The following AGBL4 variants were observed in gnomAD, a reference collection of about 807,000 sequenced individuals.
AGBL4 encodes the protein AGBL carboxypeptidase 4.
AGBL4 carries 58 observed loss-of-function variants against 66.4 expected under a neutral mutation model. The ratio of observed to expected loss-of-function variants is 0.87; its 90% CI spans 0.71 to 1.09. AGBL4 has a LOEUF of 1.09. Among genes scored for constraint, AGBL4 ranks in the 50% least tolerant of loss-of-function variants. The pLI is 0.00. For missense variants in AGBL4, 579 were observed against 631.0 expected (o/e 0.92, Z 0.88); for synonymous variants, 234 against 222.9 (o/e 1.05, Z -0.44).
chr1:49,980,142 G>C lies in AGBL4; in HGVS notation c.34+43621C>G, dbSNP rs370665295. Among the ~76,000 whole-genome samples, 210 of 152,060 alleles carry C rather than the reference G, an allele frequency of 1.4e-3. 1 individual carries two copies. The highest frequency in any genetic ancestry group is 4.7e-3 in the African/African-American group (197 of 41,474). On this transcript the variant is annotated intron_variant, in intron 1 of 13. Coordinates refer to ENST00000371839, the MANE Select transcript of AGBL4 (RefSeq NM_032785.4). The stretch of plus-strand genomic sequence containing the variant: ...AACAGTAGGCTATGAGTAAAGTTTT[G>C]GGGGGGTCTAAAGTTACATGTGGAT...
At chr1:49,337,733 C>T (rs750775932) in intron 3 of AGBL4, among the ~76,000 whole-genome samples, 5 of 152,164 alleles carry the variant, frequency 3.3e-5, no homozygotes, top group Admixed American at 1.3e-4. Flanking sequence ...CTGGATTATT[C>T]ATTAGACTTT....
At chr1:48,889,636 T>C (rs1650724576) in intron 5 of AGBL4, among the ~76,000 whole-genome samples, 1 of 152,176 alleles carries the variant, frequency 6.6e-6, no homozygotes, top group South Asian at 2.1e-4. Flanking sequence ...ATGAAATGTG[T>C]CAGATTTAGG....
rs1557557803 is a variant in AGBL4 at position 49,896,388 on chromosome 1, T to C, written c.35-44870A>G. On this transcript the variant is annotated intron_variant, in intron 1 of 13. Transcript: ENST00000371839. ...TGCACTGTAAACAACATGAAACTAATAGATTTTAACAAAGCATTTCACACT... is the reference window on the plus strand; with the variant it reads ...TGCACTGTAAACAACATGAAACTAACAGATTTTAACAAAGCATTTCACACT... Among the ~76,000 whole-genome samples, 5 of 151,936 alleles carry C rather than the reference T, an allele frequency of 3.3e-5. No homozygotes were observed. The South Asian group carries it at 1.0e-3, about 31-fold the overall frequency.
chr1:48,971,145 C>T (rs1014066760), intron 5 of AGBL4, among the ~76,000 whole-genome samples: 3 of 152,220 alleles, frequency 2.0e-5, no homozygotes, highest in Admixed American at 2.0e-4. Flanking sequence ...GGGCTGTGGC[C>T]TGTAAGGAAC....
chr1:49,122,020 C>A (rs1445841999), intron 4 of AGBL4, among the ~76,000 whole-genome samples: 1 of 152,230 alleles, frequency 6.6e-6, no homozygotes, highest in African/African-American at 2.4e-5. Flanking sequence ...CCGAGCCAGG[C>A]ACGGGAGAGA....
chr1:49,045,567 C>G lies in AGBL4; in HGVS notation c.594+17G>C. On this transcript the variant is annotated intron_variant, in intron 5 of 13. Transcript: ENST00000371839. ...CCTGTTTCCAAATGAGTAACCCAAA[C>G]CTGGCACAGGCCTTACCACACTCTG... is the stretch of plus-strand genomic sequence containing the variant. 6.3e-7 allele frequency: 1 copy of G among 1,599,662 alleles called. No homozygotes were observed. The highest frequency in any genetic ancestry group is 1.1e-5 in the South Asian group (1 of 88,172).
rs181180975 is a variant in AGBL4, at chr1:48,970,175, G to A, written c.594+75409C>T. ...TAGACTTAATTGCTGTTATTAATGA[G>A]GTCAGCACCAGAAAGGAGAGAAGCA... On this transcript the variant is annotated intron_variant, in intron 5 of 13. Coordinates refer to ENST00000371839, the MANE Select transcript of AGBL4 (RefSeq NM_032785.4). 2.6e-5 allele frequency among the ~76,000 whole-genome samples: 4 copies of A among 152,188 alleles called. No homozygotes were observed. The East Asian group carries it at 7.7e-4, about 29-fold the overall frequency.
intron 4 of AGBL4, among the ~76,000 whole-genome samples, chr1:49,150,446 A>G (rs1271079885): frequency 6.6e-6 from 1 of 152,132 alleles, no homozygotes; most frequent in Non-Finnish European, 1.5e-5. Context: ...AAATGCATAG[A>G]AAAAAAGACA....
chr1:49,137,266 C>G (rs1359619785), intron 4 of AGBL4, among the ~76,000 whole-genome samples: 1 of 152,064 alleles, frequency 6.6e-6, no homozygotes. Context: ...AAATCCTATG[C>G]TATTAACATG....
At chr1:48,847,350 G>A (rs1646942631) in intron 6 of AGBL4, among the ~76,000 whole-genome samples, 1 of 149,288 alleles carries the variant, frequency 6.7e-6, no homozygotes, top group South Asian at 2.1e-4. Flanking sequence ...ACTCTTGTGT[G>A]AGCAGCTGAA....
Position 49,948,311 on chromosome 1 carries a change from TATATATAAATATATAAACATATATAA to T in AGBL4, c.34+75426_34+75451del, listed in dbSNP as rs1655648502. On this transcript the variant is annotated intron_variant, in intron 1 of 13. Transcript: ENST00000371839. The stretch of plus-strand genomic sequence containing the variant: ...AAATATATAAAAATATATATAAATA[TATATATAAATATATAAACATATATAA>T]ATATATAAATATATATAAATATATA... Among the ~76,000 whole-genome samples, 2 of 108,846 alleles carry T rather than the reference TATATATAAATATATAAACATATATAA, an allele frequency of 1.8e-5. 1 individual carries two copies. The highest frequency in any genetic ancestry group is 5.2e-4 in the South Asian group (2 of 3,818). 71.4% of individuals were successfully genotyped at this position (108,846 alleles called of 152,430 possible). A position where few individuals can be genotyped will look rare whatever the true frequency, so the allele number is the denominator to read the frequency against.
At chr1:49,264,033 A>T (rs1653490361) in intron 3 of AGBL4, among the ~76,000 whole-genome samples, 1 of 152,174 alleles carries the variant, frequency 6.6e-6, no homozygotes, top group African/African-American at 2.4e-5. Context: ...GCATTTTAAC[A>T]CAAAACAGTA....
intron 4 of AGBL4, among the ~76,000 whole-genome samples, chr1:49,119,563 G>C (rs1020212829): frequency 5.3e-5 from 8 of 152,102 alleles, no homozygotes; most frequent in African/African-American, 1.9e-4. Flanking sequence ...GTCTGAAAGA[G>C]AGTTTGTTGT....
At chr1:48,709,081 A>G (rs1300889556) in intron 6 of AGBL4, among the ~76,000 whole-genome samples, 2 of 152,094 alleles carry the variant, frequency 1.3e-5, no homozygotes, top group Non-Finnish European at 2.9e-5. Flanking sequence ...GGTCTCTATC[A>G]CTAAAAGGAA....
chr1:49,957,382 G>A (rs898537436), intron 1 of AGBL4, among the ~76,000 whole-genome samples: 2 of 151,952 alleles, frequency 1.3e-5, no homozygotes, highest in Non-Finnish European at 2.9e-5. Context: ...GGTCTGCTTG[G>A]TGCAGAGCTG....
chr1:49,568,768 G>T lies in AGBL4; in HGVS notation c.282+128545C>A, dbSNP rs138439643. 4.6e-3 allele frequency among the ~76,000 whole-genome samples: 706 copies of T among 152,252 alleles called. 3 individuals are homozygous for T. Among genetic ancestry groups the T allele is most frequent in the Non-Finnish European group, 7.8e-3 (530 of 68,038 alleles). ...ACCTGACCTCAAACTATACTGCAGG[G>T]CTACTGTAACCAAAACAGCATGGTA... On this transcript the variant is annotated intron_variant, in intron 3 of 13. Transcript: ENST00000371839.
chr1:49,638,279 AT>A (rs1353057725), intron 3 of AGBL4, among the ~76,000 whole-genome samples: 1 of 152,140 alleles, frequency 6.6e-6, no homozygotes, highest in Non-Finnish European at 1.5e-5. Flanking sequence ...AATAATATAT[AT>A]TTCATAATAT....
intron 3 of AGBL4, among the ~76,000 whole-genome samples, chr1:49,654,824 C>G (rs566232930): frequency 6.6e-6 from 1 of 152,078 alleles, no homozygotes; most frequent in Non-Finnish European, 1.5e-5. Flanking sequence ...TGTCTCCGCA[C>G]GTGAGATCGG....
chr1:48,813,849 T>C (rs2148761041), intron 6 of AGBL4, among the ~76,000 whole-genome samples: 1 of 151,988 alleles, frequency 6.6e-6, no homozygotes, highest in Non-Finnish European at 1.5e-5. Context: ...AGCTTTTTTT[T>C]TTTTTCAAAT....
Sources: gnomAD v4.1 joint callset for allele counts (sites outside exome capture counted in the v4.1 genomes callset) on GRCh38, gnomAD v4.1.1 for gene constraint, MANE v1.5 for transcripts, NCBI Gene and HGNC (gene_info 2026-07-23, HGNC 2026-07-21) for gene names.